CFAP299: variants seen among roughly 807,000 people sequenced by gnomAD.
The protein encoded by CFAP299 is cilia and flagella associated protein 299.
In CFAP299, 21 loss-of-function variants were observed where a neutral mutation model predicts 27.0. The ratio of observed to expected loss-of-function variants is 0.78; its 90% CI spans 0.55 to 1.12. The LOEUF (loss-of-function observed/expected upper bound fraction) is 1.12, where lower values mean the gene tolerates loss of function less well. Ranked by LOEUF, CFAP299 falls within the 50% of genes most tolerant of loss-of-function variation. CFAP299 has a pLI of 0.00. For missense variants in CFAP299, 310 were observed against 276.6 expected, an observed-to-expected ratio of 1.12 and a Z score of -0.86; for synonymous variants, 104 against 98.1, an observed-to-expected ratio of 1.06 and a Z score of -0.36.
Position 80,465,003 on chromosome 4 carries a change from GCTTA to G in CFAP299, c.242+102123_242+102126del, listed in dbSNP as rs1729634297. Among the ~76,000 whole-genome samples, 4 of 151,782 alleles carry G rather than the reference GCTTA, an allele frequency of 2.6e-5. No individual in the cohort carries two copies. The South Asian group carries it at 6.2e-4, about 24-fold the overall frequency. The stretch of plus-strand genomic sequence containing the variant: ...TTCCAGTTAAAATTAACTTTCCATG[GCTTA>G]CTTGTTTTAAGGAATTAATCAAATT... On this transcript the variant is annotated intron_variant, in intron 2 of 5. Coordinates refer to ENST00000358105, the MANE Select transcript of CFAP299 (RefSeq NM_152770.3).
chr4:80,861,130 C>G (rs1732318323), intron 3 of CFAP299, among the ~76,000 whole-genome samples: 2 of 152,244 alleles, frequency 1.3e-5, no homozygotes, highest in Non-Finnish European at 2.9e-5. Flanking sequence ...GCCCCTCCCC[C>G]AGCCTCGCTG....
At chr4:80,477,162 A>G (rs1730324627) in intron 2 of CFAP299, among the ~76,000 whole-genome samples, 1 of 152,090 alleles carries the variant, frequency 6.6e-6, no homozygotes, top group Admixed American at 6.6e-5. Context: ...TCCCAAGCTC[A>G]AGCGATTCTC....
At chr4:80,345,425 TC>T (rs1197916894) in intron 1 of CFAP299, among the ~76,000 whole-genome samples, 2 of 32,084 alleles carry the variant, frequency 6.2e-5, no homozygotes, top group African/African-American at 1.2e-4. Flanking sequence ...CCCTCCCCCC[TC>T]CCCCCAACCC....
At position 80,842,647 on chromosome 4, in the gene CFAP299, G is replaced by C. The variant is rs530345588; in HGVS notation, c.334-27346G>C. ...TAGCCGAGGCTTGTGAGCTTAAGTG[G>C]GATATGGAAAGACACTTTTCAGCCA... On this transcript the variant is annotated intron_variant, in intron 3 of 5. Transcript: ENST00000358105. 2.0e-5 allele frequency among the ~76,000 whole-genome samples: 3 copies of C among 152,158 alleles called. No homozygotes were observed. In the South Asian group the frequency reaches 6.2e-4, roughly 32 times the overall value.
chr4:80,856,767 C>G lies in CFAP299; in HGVS notation c.334-13226C>G, dbSNP rs547500499. 9.8e-3 allele frequency among the ~76,000 whole-genome samples: 1,497 copies of G among 151,988 alleles called. 15 individuals are homozygous for G. Among genetic ancestry groups the G allele is most frequent in the African/African-American group, 0.033 (1,382 of 41,402 alleles). On this transcript the variant is annotated intron_variant, in intron 3 of 5. Coordinates refer to ENST00000358105, the MANE Select transcript of CFAP299 (RefSeq NM_152770.3). ...TGTTCTGTTCCATTGATCTATATCT[C>G]TGTTTTGGTACCAGTACCATGCTGT...
chr4:80,572,534 T>TTTTTTTTTTTTTTTC (rs1735640977), intron 2 of CFAP299, among the ~76,000 whole-genome samples: 1 of 131,858 alleles, frequency 7.6e-6, no homozygotes, highest in Non-Finnish European at 1.6e-5. Flanking sequence ...TTTTTTTTTT[T>TTTTTTTTTTTTTTTC]TGAGAGGGAG....
At chr4:80,801,200 A>T (rs536193581) in intron 3 of CFAP299, among the ~76,000 whole-genome samples, 196 of 150,830 alleles carry the variant, frequency 1.3e-3, no homozygotes, top group Middle Eastern at 0.01. Context: ...TTTTTTTTTA[A>T]CCTTTTGAAC....
chr4:80,877,743 A>G (rs1733484574), intron 4 of CFAP299, among the ~76,000 whole-genome samples: 2 of 152,158 alleles, frequency 1.3e-5, no homozygotes, highest in Admixed American at 1.3e-4. Context: ...ATACATTCAA[A>G]TTTTTGTGCA....
chr4:80,501,338 T>G (rs145738370), intron 2 of CFAP299, among the ~76,000 whole-genome samples: 255 of 151,002 alleles, frequency 1.7e-3, no homozygotes, highest in African/African-American at 5.7e-3. Flanking sequence ...CTTCTGTAAT[T>G]AAAGTATATT....
intron 4 of CFAP299, among the ~76,000 whole-genome samples, chr4:80,938,564 A>G (rs1374293856): frequency 1.3e-5 from 2 of 152,136 alleles, no homozygotes; most frequent in African/African-American, 4.8e-5. Flanking sequence ...ACGTGGGTAA[A>G]TATCTGTTAG....
intron 3 of CFAP299, among the ~76,000 whole-genome samples, chr4:80,817,803 T>C (rs1729497992): frequency 6.6e-6 from 1 of 152,064 alleles, no homozygotes; most frequent in South Asian, 2.1e-4. Flanking sequence ...GGCATTATTT[T>C]CTTCTAATGC....
chr4:80,371,626 C>G (rs971482084), intron 2 of CFAP299, among the ~76,000 whole-genome samples: 1 of 152,180 alleles, frequency 6.6e-6, no homozygotes, highest in Non-Finnish European at 1.5e-5. Flanking sequence ...TCTACATCAT[C>G]ATTCTCAAAT....
intron 5 of CFAP299, among the ~76,000 whole-genome samples, chr4:80,948,833 CAAT>C (rs1260217528): frequency 6.6e-6 from 1 of 151,622 alleles, no homozygotes; most frequent in Admixed American, 6.6e-5. Flanking sequence ...GCAATAATAA[CAAT>C]AATAATAATA....
chr4:80,869,818 T>C (rs1034973649), intron 3 of CFAP299, among the ~76,000 whole-genome samples, 175 bp from the exon 4 acceptor site: 1 of 152,218 alleles, frequency 6.6e-6, no homozygotes, highest in Non-Finnish European at 1.5e-5. Context: ...GCGAGTAACA[T>C]GTGTTTTTAG....
At chr4:80,742,707 AATG>A in intron 3 of CFAP299, among the ~76,000 whole-genome samples, 1 of 152,312 alleles carries the variant, frequency 6.6e-6, no homozygotes, top group Admixed American at 6.5e-5. Flanking sequence ...TAAAAATAAA[AATG>A]AGATAATTTT....
Position 80,624,544 on chromosome 4 carries a change from A to G in CFAP299, c.333+41361A>G, listed in dbSNP as rs189124179. ...TGAGTCAGGGAATACAATTAAAAAA[A>G]GATAAAGGGGTAAGAAACCTTTTTA... On this transcript the variant is annotated intron_variant, in intron 3 of 5. Transcript: ENST00000358105. Among the ~76,000 whole-genome samples the G allele has an allele frequency of 4.5e-3, 687 of 152,196 alleles. 1 individual carries two copies. The highest frequency in any genetic ancestry group is 0.014 in the Middle Eastern group (4 of 294).
At chr4:80,322,736 GTTAT>G in the CFAP299 span, among the ~76,000 whole-genome samples, 1 of 152,184 alleles carries the variant, frequency 6.6e-6, no homozygotes. Flanking sequence ...AAATAACAAA[GTTAT>G]TTTAAGAAGC....
intron 2 of CFAP299, among the ~76,000 whole-genome samples, chr4:80,389,079 A>G (rs867197876): frequency 6.6e-6 from 1 of 152,022 alleles, no homozygotes; most frequent in Non-Finnish European, 1.5e-5. Context: ...TTTCTTCTTT[A>G]TTAAGTGTTG....
chr4:80,620,942 A>T (rs985486119), intron 3 of CFAP299, among the ~76,000 whole-genome samples: 1 of 152,130 alleles, frequency 6.6e-6, no homozygotes, highest in African/African-American at 2.4e-5. Context: ...GACAGTGATT[A>T]TCAAAACAAT....
Sources: gnomAD v4.1 joint callset for allele counts (sites outside exome capture counted in the v4.1 genomes callset) on GRCh38, gnomAD v4.1.1 for gene constraint, MANE v1.5 for transcripts, NCBI Gene and HGNC (gene_info 2026-07-23, HGNC 2026-07-21) for gene names.